The following PDE4D variants were observed in gnomAD, a reference collection of about 807,000 sequenced individuals.
PDE4D encodes the protein 3',5'-cyclic-AMP phosphodiesterase 4D.
In PDE4D, 24 loss-of-function variants were observed where a neutral mutation model predicts 87.4. The ratio of observed to expected loss-of-function variants is 0.27; its 90% confidence interval spans 0.20 to 0.39. The LOEUF (loss-of-function observed/expected upper bound fraction) is 0.39, where lower values mean the gene tolerates loss of function less well. Among genes scored for constraint, PDE4D ranks in the 10% least tolerant of loss-of-function variants. PDE4D has a pLI of 1.00. For missense variants in PDE4D, 714 were observed against 1,041.0 expected (o/e 0.69, Z 4.32); for synonymous variants, 384 against 383.2 (o/e 1.00, Z -0.02).
chr5:59,861,157 C>T (rs1421633486), intron 1 of PDE4D, among the ~76,000 whole-genome samples: 1 of 152,126 alleles, frequency 6.6e-6, no homozygotes, highest in East Asian at 1.9e-4. Flanking sequence ...AGGCATGAGC[C>T]ACTGCGCCCG....
chr5:59,530,744 T>C (rs1337244204), intron 1 of PDE4D, among the ~76,000 whole-genome samples: 1 of 152,252 alleles, frequency 6.6e-6, no homozygotes, highest in East Asian at 1.9e-4. Flanking sequence ...TCATTTTGTT[T>C]TTATTTATTT....
At chr5:60,439,928 CA>C (rs1204966264) in intron 1 of PDE4D, among the ~76,000 whole-genome samples, 1,358 of 119,442 alleles carry the variant, frequency 0.011, 17 homozygotes, top group African/African-American at 0.045. Flanking sequence ...AAAAAAAAAA[CA>C]AAAAAAAAAA....
intron 1 of PDE4D, among the ~76,000 whole-genome samples, chr5:60,407,049 G>A (rs1306968153): frequency 6.6e-6 from 1 of 151,916 alleles, no homozygotes; most frequent in East Asian, 1.9e-4. Flanking sequence ...CAGGAGATGA[G>A]ATGTGACGGA....
In PDE4D at chr5:58,973,776, C is replaced by CAA. The variant is rs1743060613; in HGVS notation, c.*886_*887dup. On this transcript the variant is annotated 3_prime_UTR_variant, in exon 15 of 15. Coordinates refer to ENST00000340635, the MANE Select transcript of PDE4D (RefSeq NM_001104631.2). ...TATCTGGAAAGAGTGAAACAAAATG[C>CAA]AAAGTAAATAATAAAGACTTACAAA... The CAA allele has an allele frequency of 1.3e-5, 2 of 148,456 alleles. No homozygotes were observed. The highest frequency in any genetic ancestry group is 2.0e-4 in the East Asian group (1 of 4,982). 9.2% of individuals were successfully genotyped at this position (148,456 alleles called of 1,614,324 possible). A position where few individuals can be genotyped will look rare whatever the true frequency, so the allele number is the denominator to read the frequency against.
Position 60,407,335 on chromosome 5 carries a change from T to C in PDE4D, c.-90+80607A>G, listed in dbSNP as rs193129471. ...GGGCACATGTGCAGTAAATGTAACCTGGATCCGCGCAGTCACAAGCCTATC... is the reference window on the plus strand; with the variant it reads ...GGGCACATGTGCAGTAAATGTAACCCGGATCCGCGCAGTCACAAGCCTATC... On this transcript the variant is annotated intron_variant, in intron 1 of 16. Transcript: ENST00000502484. 3.3e-4 allele frequency among the ~76,000 whole-genome samples: 50 copies of C among 151,844 alleles called. 1 individual carries two copies. The highest frequency in any genetic ancestry group is 1.1e-3 in the African/African-American group (44 of 41,394).
At chr5:59,313,514 C>A (rs1019405252) in intron 1 of PDE4D, among the ~76,000 whole-genome samples, 1 of 151,472 alleles carries the variant, frequency 6.6e-6, no homozygotes, top group South Asian at 2.1e-4. Flanking sequence ...CTTATTTGGA[C>A]AAGACCCAGC....
intron 2 of PDE4D, among the ~76,000 whole-genome samples, chr5:60,139,663 G>A (rs1005645191): frequency 1.3e-5 from 2 of 151,930 alleles, no homozygotes; most frequent in Non-Finnish European, 2.9e-5. Flanking sequence ...TAGGCTACTC[G>A]TTGGAAACAT....
At chr5:60,097,823 C>G (rs1222261389) in intron 2 of PDE4D, among the ~76,000 whole-genome samples, 2 of 151,830 alleles carry the variant, frequency 1.3e-5, no homozygotes, top group Non-Finnish European at 2.9e-5. Flanking sequence ...CAGAAAGGAT[C>G]TCTCCTTTTA....
intron 5 of PDE4D, chr5:59,157,485 T>A (rs887531238): frequency 6.4e-6 from 4 of 628,330 alleles, no homozygotes; most frequent in Non-Finnish European, 1.1e-5. Context: ...TTCCAATCAT[T>A]TAAAAAGAAT....
In PDE4D at chr5:59,049,222, A is replaced by C. The variant is rs1046417208; in HGVS notation, c.809-10251T>G. Among the ~76,000 whole-genome samples, 3 of 152,182 alleles carry C rather than the reference A, an allele frequency of 2.0e-5. No individual in the cohort carries two copies. In the East Asian group the frequency reaches 5.8e-4, roughly 29 times the overall value. ...TGTCTAGGCCTTTCTATAACTGTCT[A>C]GAAAATTCCTGACATTTACAGGCAC... On this transcript the variant is annotated intron_variant, in intron 5 of 14. Coordinates refer to ENST00000340635, the MANE Select transcript of PDE4D (RefSeq NM_001104631.2).
At chr5:59,084,013 ATTGT>A (rs1767249346) in intron 5 of PDE4D, among the ~76,000 whole-genome samples, 1 of 152,080 alleles carries the variant, frequency 6.6e-6, no homozygotes, top group South Asian at 2.1e-4. Flanking sequence ...TGACAAGTAG[ATTGT>A]TTGTATAATT....
intron 1 of PDE4D, among the ~76,000 whole-genome samples, chr5:60,500,997 ATTTAAT>A (rs1750044862): frequency 6.6e-6 from 1 of 151,070 alleles, no homozygotes; most frequent in Admixed American, 6.6e-5. Context: ...TTTTTTTTTA[ATTTAAT>A]TTTATTATTA....
chr5:59,935,444 G>T (rs1756463282), intron 3 of PDE4D, among the ~76,000 whole-genome samples: 1 of 152,024 alleles, frequency 6.6e-6, no homozygotes. Flanking sequence ...TAAAAAAGGG[G>T]TAAAAAATAA....
At chr5:60,042,166 C>T (rs563206975) in intron 2 of PDE4D, among the ~76,000 whole-genome samples, 1 of 152,258 alleles carries the variant, frequency 6.6e-6, no homozygotes, top group South Asian at 2.1e-4. Context: ...CGGTTTTCTC[C>T]TCACAGTGTA....
chr5:60,447,792 C>A (rs980611703), intron 1 of PDE4D, among the ~76,000 whole-genome samples: 2 of 152,154 alleles, frequency 1.3e-5, no homozygotes, highest in African/African-American at 4.8e-5. Flanking sequence ...GCTACAGGAT[C>A]CAGTCCCTTC....
intron 6 of PDE4D, among the ~76,000 whole-genome samples, chr5:59,033,840 GA>G (rs1388548340): frequency 6.6e-6 from 1 of 152,038 alleles, no homozygotes. Context: ...CTGAAAAAAA[GA>G]AATTTATCTA....
chr5:59,987,414 A>T (rs992749641), intron 3 of PDE4D: 1 of 152,138 alleles, frequency 6.6e-6, no homozygotes, highest in African/African-American at 2.4e-5. Flanking sequence ...TTGTTTTCTT[A>T]TTATTTATCT....
intron 1 of PDE4D, among the ~76,000 whole-genome samples, chr5:60,455,649 A>C (rs1746413578): frequency 6.6e-6 from 1 of 152,204 alleles, no homozygotes; most frequent in Admixed American, 6.5e-5. Context: ...CTTTACAAAA[A>C]AATAAAAGAT....
At chr5:59,842,493 AT>A (rs1421422795) in intron 1 of PDE4D, among the ~76,000 whole-genome samples, 1 of 152,086 alleles carries the variant, frequency 6.6e-6, no homozygotes, top group Admixed American at 6.6e-5. Flanking sequence ...TGATTTTCAT[AT>A]GTTAATATTT....
Sources: gnomAD v4.1 joint callset for allele counts (sites outside exome capture counted in the v4.1 genomes callset) on GRCh38, gnomAD v4.1.1 for gene constraint, MANE v1.5 for transcripts, NCBI Gene and HGNC (gene_info 2026-07-23, HGNC 2026-07-21) for gene names.